Variants in DIAPH2 observed in about 807,000 individuals in gnomAD.
DIAPH2 encodes protein diaphanous homolog 2.
In DIAPH2, 35 loss-of-function variants were observed where a neutral mutation model predicts 92.7. That is an observed-to-expected ratio of 0.38 (90% CI 0.29 to 0.50). The LOEUF is 0.50. DIAPH2 is among the 20% of genes least tolerant of loss of function. The pLI, the probability that DIAPH2 is intolerant of heterozygous loss-of-function variation, is 0.94. For missense variants in DIAPH2, 701 were observed against 819.5 expected (o/e 0.86, Z 1.77); for synonymous variants, 301 against 280.4 (o/e 1.07, Z -0.73).
At chrX:97,510,276 T>C (rs1349558471) in intron 26 of DIAPH2, among the ~76,000 whole-genome samples, 1 of 111,788 alleles carries the variant, frequency 8.9e-6, no homozygotes, top group African/African-American at 3.3e-5. Context: ...TGAGCATTTT[T>C]TCATGTGTCT....
chrX:96,702,090 T>G (rs1005130471), intron 1 of DIAPH2, among the ~76,000 whole-genome samples: 3 of 112,344 alleles, frequency 2.7e-5, no homozygotes, highest in Non-Finnish European at 1.9e-5. Context: ...ATATGTTTTA[T>G]TTTTCTCCTA....
intron 26 of DIAPH2, among the ~76,000 whole-genome samples, chrX:97,585,911 A>G (rs1418461445): frequency 1.8e-5 from 2 of 112,138 alleles, no homozygotes; most frequent in African/African-American, 6.5e-5. Flanking sequence ...TTTTCAAAAT[A>G]TCTACTCCCC....
At chrX:97,501,271 G>A (rs1168667945) in intron 26 of DIAPH2, among the ~76,000 whole-genome samples, 1 of 111,493 alleles carries the variant, frequency 9.0e-6, no homozygotes, top group African/African-American at 3.3e-5. Context: ...CTGAAAATCA[G>A]ATTACCTGAA....
At chrX:97,124,547 G>C (rs1200686838) in intron 21 of DIAPH2, among the ~76,000 whole-genome samples, 1 of 112,266 alleles carries the variant, frequency 8.9e-6, no homozygotes, top group African/African-American at 3.2e-5. Flanking sequence ...ATTCTCTAGA[G>C]AACAATAGTT....
At chrX:97,379,931 T>C (rs1361055890) in intron 24 of DIAPH2, among the ~76,000 whole-genome samples, 2 of 111,850 alleles carry the variant, frequency 1.8e-5, no homozygotes, top group Non-Finnish European at 1.9e-5. Context: ...TAAAGCTTAA[T>C]TGAAATAAAT....
At chrX:96,718,332 C>CTTTTTTTTTTTTTTTTTTTTTTTTTTTTT (rs1569373693) in intron 1 of DIAPH2, among the ~76,000 whole-genome samples, 1 of 6,829 alleles carries the variant, frequency 1.5e-4, no homozygotes, top group African/African-American at 6.5e-4. Context: ...ACCACATTTT[C>CTTTTTTTTTTTTTTTTTTTTTTTTTTTTT]TTTGTTTTTT....
chrX:97,296,403 GTTC>G (rs1478481961), intron 23 of DIAPH2, among the ~76,000 whole-genome samples: 3 of 111,706 alleles, frequency 2.7e-5, no homozygotes, highest in African/African-American at 9.7e-5. Context: ...TCAGCTTTAT[GTTC>G]TTATTTATGT....
chrX:96,737,542 C>G (rs2064095150), intron 2 of DIAPH2, among the ~76,000 whole-genome samples: 1 of 111,309 alleles, frequency 9.0e-6, no homozygotes, highest in African/African-American at 3.3e-5. Flanking sequence ...TGCTTCCTAA[C>G]AGAAACCATA....
intron 24 of DIAPH2, among the ~76,000 whole-genome samples, chrX:97,359,658 A>G (rs2069304653): frequency 9.9e-6 from 1 of 100,893 alleles, no homozygotes; most frequent in African/African-American, 3.7e-5. Context: ...GCTCACTGCA[A>G]CCTCCGCCTC....
At chrX:97,446,007 G>A (rs1229560643) in intron 26 of DIAPH2, among the ~76,000 whole-genome samples, 1 of 110,329 alleles carries the variant, frequency 9.1e-6, no homozygotes, top group Admixed American at 9.7e-5. Flanking sequence ...GGTGGGGGAA[G>A]AAGCGTTTAA....
intron 17 of DIAPH2, among the ~76,000 whole-genome samples, chrX:97,050,740 G>A (rs1602306088): frequency 1.8e-5 from 2 of 110,608 alleles, no homozygotes; most frequent in South Asian, 7.4e-4. Flanking sequence ...TTTTTTTGTA[G>A]TCCTTTTTCC....
chrX:96,698,858 G>A (rs1210163173), intron 1 of DIAPH2, among the ~76,000 whole-genome samples: 1 of 107,761 alleles, frequency 9.3e-6, no homozygotes, highest in Non-Finnish European at 1.9e-5. Flanking sequence ...ATCCCAAGTA[G>A]CTGGTACTAC....
chrX:97,038,572 T>A (rs1226702103), intron 17 of DIAPH2, among the ~76,000 whole-genome samples: 1 of 106,118 alleles, frequency 9.4e-6, no homozygotes, highest in African/African-American at 3.4e-5. Flanking sequence ...TCTCTCTCAG[T>A]CACCCAGGCT....
chrX:96,765,732 A>G (rs1414267300), intron 4 of DIAPH2, among the ~76,000 whole-genome samples: 3 of 110,906 alleles, frequency 2.7e-5, no homozygotes, highest in East Asian at 5.7e-4. Flanking sequence ...AAAACATTCA[A>G]ATGGCTCCCT....
intron 1 of DIAPH2, among the ~76,000 whole-genome samples, chrX:96,707,092 G>A (rs1016743410): frequency 1.1e-4 from 12 of 109,496 alleles, no homozygotes; most frequent in African/African-American, 4.0e-4. Context: ...TGAGGTCAGG[G>A]GTTTGAGACC....
intron 5 of DIAPH2, among the ~76,000 whole-genome samples, chrX:96,885,767 T>C (rs1222637532): frequency 8.9e-6 from 1 of 111,933 alleles, no homozygotes; most frequent in Non-Finnish European, 1.9e-5. Flanking sequence ...TTATTTCATA[T>C]ATGATGTGGT....
chrX:97,558,959 T>A (rs1478710408), intron 26 of DIAPH2, among the ~76,000 whole-genome samples: 1 of 111,897 alleles, frequency 8.9e-6, no homozygotes, highest in Non-Finnish European at 1.9e-5. Flanking sequence ...GTAGAAATTG[T>A]ACATCTCTCA....
At chrX:96,910,789 A>C (rs1346068683) in intron 5 of DIAPH2, among the ~76,000 whole-genome samples, 1 of 111,506 alleles carries the variant, frequency 9.0e-6, no homozygotes, top group East Asian at 2.8e-4. Context: ...TGATATAACT[A>C]TCTTTAGAGA....
At chrX:97,307,321 G>A (rs1272231643) in intron 23 of DIAPH2, among the ~76,000 whole-genome samples, 1 of 111,840 alleles carries the variant, frequency 8.9e-6, no homozygotes, top group African/African-American at 3.2e-5. Context: ...TTTAATCCTT[G>A]TGTCTCATTT....
Sources: gnomAD v4.1 joint callset for allele counts (sites outside exome capture counted in the v4.1 genomes callset) on GRCh38, gnomAD v4.1.1 for gene constraint, MANE v1.5 for transcripts, NCBI Gene and HGNC (gene_info 2026-07-23, HGNC 2026-07-21) for gene names.